The following APBB2 variants were observed in gnomAD, a reference collection of about 807,000 sequenced individuals.
APBB2 encodes the protein Fe65-like 1.
In APBB2, 38 loss-of-function variants were observed where a neutral mutation model predicts 82.5. That is an observed-to-expected ratio of 0.46 (90% CI 0.36 to 0.60). The LOEUF (loss-of-function observed/expected upper bound fraction) is 0.60. APBB2 is among the 20% of genes least tolerant of loss of function. APBB2 has a pLI of 0.00. For missense variants in APBB2, 772 were observed against 972.3 expected (o/e 0.79, Z 2.74); for synonymous variants, 341 against 368.2 (o/e 0.93, Z 0.85).
chr4:40,912,329 A>G (rs540170722), intron 10 of APBB2, among the ~76,000 whole-genome samples: 1 of 152,354 alleles, frequency 6.6e-6, no homozygotes, highest in South Asian at 2.1e-4. Context: ...CTGTAATCCC[A>G]GCACTTTGGG....
chr4:40,819,774 C>G (rs1477225559), intron 17 of APBB2, among the ~76,000 whole-genome samples: 2 of 152,068 alleles, frequency 1.3e-5, no homozygotes, highest in Non-Finnish European at 2.9e-5. Flanking sequence ...TCTTTTTCTT[C>G]CCAGTTACTT....
At chr4:41,120,541 G>C (rs1193809343) in intron 2 of APBB2, among the ~76,000 whole-genome samples, 1 of 152,184 alleles carries the variant, frequency 6.6e-6, no homozygotes, top group Non-Finnish European at 1.5e-5. Context: ...TAATGTTTAA[G>C]TTTTATAACA....
chr4:40,879,882 G>T, intron 12 of APBB2: 1 of 338,184 alleles, frequency 3.0e-6, no homozygotes, highest in Non-Finnish European at 4.2e-6. Flanking sequence ...AGTAGAGACA[G>T]GGTTTTGCCA....
chr4:41,131,460 C>T (rs1362781068), intron 2 of APBB2, among the ~76,000 whole-genome samples: 1 of 152,166 alleles, frequency 6.6e-6, no homozygotes, highest in Non-Finnish European at 1.5e-5. Context: ...CATACAAACA[C>T]ATACATATAC....
intron 1 of APBB2, among the ~76,000 whole-genome samples, chr4:41,212,697 T>C (rs909095695): frequency 1.3e-5 from 2 of 152,194 alleles, no homozygotes; most frequent in African/African-American, 4.8e-5. Flanking sequence ...TTCGGGGTCA[T>C]ACAGTACATG....
chr4:40,972,300 C>CAT (rs1796117988), intron 6 of APBB2, among the ~76,000 whole-genome samples: 1 of 151,758 alleles, frequency 6.6e-6, no homozygotes, highest in South Asian at 2.1e-4. Context: ...TGGTGGCGGG[C>CAT]GCCTGTAATC....
chr4:40,822,017 G>A lies in APBB2; in HGVS notation c.1966C>T (p.Arg656Ter). Residue 656 changes from arginine to a stop codon, truncating the protein, a stop_gained, in exon 17 of 18, where the codon CGA becomes TGA. Coordinates refer to ENST00000508593, the MANE Select transcript of APBB2 (RefSeq NM_004307.2). LOFTEE classifies it high-confidence loss of function. ...CCAACACCCATGAAGGACAGGAATCGCACACGACATTCCACTAAGACTTCC... is the reference window on the plus strand; with the variant it reads ...CCAACACCCATGAAGGACAGGAATCACACACGACATTCCACTAAGACTTCC... ...EEEVLVECRV[R>*]FLSFMGVGKD... 2 of 1,614,126 alleles carry A rather than the reference G, an allele frequency of 1.2e-6. No individual in the cohort carries two copies. The highest frequency in any genetic ancestry group is 8.5e-7 in the Non-Finnish European group (1 of 1,180,024).
chr4:41,073,411 G>C (rs1734561184), intron 3 of APBB2, among the ~76,000 whole-genome samples: 1 of 152,070 alleles, frequency 6.6e-6, no homozygotes, highest in African/African-American at 2.4e-5. Context: ...GCTGTAATGT[G>C]ATTTAGCAGT....
intron 17 of APBB2, among the ~76,000 whole-genome samples, chr4:40,819,766 T>G (rs1379692089): frequency 6.6e-6 from 1 of 152,168 alleles, no homozygotes; most frequent in Non-Finnish European, 1.5e-5. Context: ...CCTCCACTTC[T>G]TTTTCTTCCC....
intron 10 of APBB2, among the ~76,000 whole-genome samples, chr4:40,926,045 A>G (rs1287181126): frequency 5.9e-5 from 9 of 152,232 alleles, no homozygotes; most frequent in Non-Finnish European, 1.3e-4. Flanking sequence ...GCCAATAAAA[A>G]AAGTTCCTGA....
intron 10 of APBB2, among the ~76,000 whole-genome samples, chr4:40,927,108 G>T (rs1266187151): frequency 6.6e-6 from 1 of 152,154 alleles, no homozygotes; most frequent in Non-Finnish European, 1.5e-5. Context: ...AACCTGAAAT[G>T]ACTTCTAATT....
At chr4:40,885,835 C>T (rs1043613400) in intron 12 of APBB2, among the ~76,000 whole-genome samples, 6 of 152,168 alleles carry the variant, frequency 3.9e-5, no homozygotes, top group South Asian at 2.1e-4. Context: ...GCCTGGGAAA[C>T]GCTTTCTTGC....
intron 6 of APBB2, among the ~76,000 whole-genome samples, chr4:40,976,891 T>C (rs749420155): frequency 1.3e-5 from 2 of 151,586 alleles, no homozygotes; most frequent in African/African-American, 2.4e-5. Context: ...CTATAAAAAA[T>C]AAAAAAAATT....
Position 41,013,687 on chromosome 4 carries a change from T to A in APBB2, c.731A>T (p.Asp244Val). Residue 244 changes from aspartate to valine, a missense_variant, in exon 6 of 18, where the codon GAC becomes GTC. Coordinates refer to ENST00000508593, the MANE Select transcript of APBB2 (RefSeq NM_004307.2). ...KDHPKTGAKT[D>V]CALHRIQNLA... ...GTTCTGGATCCGGTGCAGTGCACAG[T>A]CGGTTTTGGCCCCTGTTTTCGGATG... 6.2e-7 allele frequency: 1 copy of A among 1,614,202 alleles called. No individual in the cohort carries two copies. The highest frequency in any genetic ancestry group is 1.3e-5 in the African/African-American group (1 of 75,044).
chr4:40,859,381 A>G (rs1762218146), intron 12 of APBB2, among the ~76,000 whole-genome samples: 1 of 150,726 alleles, frequency 6.6e-6, no homozygotes, highest in Non-Finnish European at 1.5e-5. Context: ...AGTGATCCTC[A>G]TGCTTCAGAG....
At chr4:41,007,302 A>G (rs1268745933) in intron 6 of APBB2, among the ~76,000 whole-genome samples, 1 of 151,826 alleles carries the variant, frequency 6.6e-6, no homozygotes, top group African/African-American at 2.4e-5. Flanking sequence ...ATTCTGCAGC[A>G]AACGGCACTC....
intron 10 of APBB2, among the ~76,000 whole-genome samples, chr4:40,916,147 C>T (rs777191469): frequency 1.3e-5 from 2 of 152,130 alleles, no homozygotes; most frequent in African/African-American, 2.4e-5. Context: ...AAAGAATTTG[C>T]TGTAAATTAG....
chr4:40,957,726 G>C (rs984529779), intron 6 of APBB2, among the ~76,000 whole-genome samples: 6 of 152,038 alleles, frequency 3.9e-5, no homozygotes, highest in African/African-American at 1.5e-4. Flanking sequence ...TGGGATTGCA[G>C]GCGCCTACCA....
chr4:41,195,590 C>G, intron 1 of APBB2, among the ~76,000 whole-genome samples: 1 of 152,186 alleles, frequency 6.6e-6, no homozygotes, highest in Non-Finnish European at 1.5e-5. Context: ...CCACAGGACC[C>G]TCATAAAATG....
Sources: gnomAD v4.1 joint callset for allele counts (sites outside exome capture counted in the v4.1 genomes callset) on GRCh38, gnomAD v4.1.1 for gene constraint, MANE v1.5 for transcripts, NCBI Gene and HGNC (gene_info 2026-07-23, HGNC 2026-07-21) for gene names.